Variants in EIPR1 observed in about 807,000 individuals in gnomAD.
The protein encoded by EIPR1 is EARP and GARP complex-interacting protein 1.
A neutral mutation model predicts 48.1 loss-of-function variants in EIPR1; 25 were observed. The observed-to-expected ratio is 0.52, with a 90% CI of 0.38 to 0.73. EIPR1 has a LOEUF of 0.73. EIPR1 is among the 30% of genes least tolerant of loss of function. The pLI is 0.00. For synonymous variants in EIPR1, 204 were observed against 201.9 expected, an observed-to-expected ratio of 1.01 and a Z score of -0.09; for missense variants, 415 against 506.2, an observed-to-expected ratio of 0.82 and a Z score of 1.73.
At chr2:3,334,341 T>C (rs1323852215) in intron 3 of EIPR1, among the ~76,000 whole-genome samples, 1 of 152,266 alleles carries the variant, frequency 6.6e-6, no homozygotes, top group African/African-American at 2.4e-5. Context: ...ATTTAATTCA[T>C]ATATGATTCA....
intron 4 of EIPR1, among the ~76,000 whole-genome samples, chr2:3,253,896 T>C (rs2602749): frequency 0.66 from 100,764 of 151,972 alleles, 33,648 homozygotes; most frequent in East Asian, 0.81. Context: ...TAACACCATT[T>C]CCTGCGGTGT....
At position 3,269,402 on chromosome 2, in the gene EIPR1, G is replaced by A. The variant is rs926397484; in HGVS notation, c.260-11947C>T. Among the ~76,000 whole-genome samples, 28 of 110,360 alleles carry A rather than the reference G, an allele frequency of 2.5e-4. 4 individuals carry two copies. The highest frequency in any genetic ancestry group is 1.1e-3 in the African/African-American group (24 of 22,008). 72.4% of individuals were successfully genotyped at this position (110,360 alleles called of 152,430 possible). ...CACTCAGTCATCGCACTCAGTCATCGCACTCAATCATCGCACTCAATCATC... is the reference window on the plus strand; with the variant it reads ...CACTCAGTCATCGCACTCAGTCATCACACTCAATCATCGCACTCAATCATC... On this transcript the variant is annotated intron_variant, in intron 3 of 8. Transcript: ENST00000382125.
At chr2:3,333,601 T>G (rs759681966) in intron 3 of EIPR1, among the ~76,000 whole-genome samples, 4 of 151,940 alleles carry the variant, frequency 2.6e-5, no homozygotes, top group Non-Finnish European at 5.9e-5. Context: ...ATCAGCCAGA[T>G]ATGGTAGTGC....
intron 8 of EIPR1, among the ~76,000 whole-genome samples, chr2:3,191,745 G>A (rs1045695648): frequency 1.3e-5 from 2 of 152,196 alleles, no homozygotes; most frequent in Non-Finnish European, 2.9e-5. Context: ...GCACTGCACC[G>A]CTGACCAGAG....
intron 2 of EIPR1, among the ~76,000 whole-genome samples, chr2:3,344,634 C>CTTTTTT (rs1178498027): frequency 1.8e-4 from 13 of 74,190 alleles, no homozygotes; most frequent in Non-Finnish European, 1.8e-4. Context: ...GGTTCTGGTT[C>CTTTTTT]TTTTTTTTTT....
chr2:3,248,909 G>A (rs1285918527), intron 4 of EIPR1, among the ~76,000 whole-genome samples: 3 of 152,142 alleles, frequency 2.0e-5, no homozygotes, highest in Non-Finnish European at 4.4e-5. Flanking sequence ...GAATCACCAG[G>A]AACAGATGCT....
Position 3,338,088 on chromosome 2 carries a change from T to C in EIPR1, c.188A>G (p.Gln63Arg), listed in dbSNP as rs148303243. The change falls in exon 3 of 9, where the codon CAA (glutamine) becomes CGA (arginine). Residue 63 changes from glutamine (Q) to arginine (R), a missense_variant. Physicochemically the swap from Gln to Arg is conservative, Grantham distance 43 (BLOSUM62 1). Transcript: ENST00000382125. ...NIINKNVLLHQAGEIWHISAS... is the reference protein window; with the variant it reads ...NIINKNVLLHRAGEIWHISAS... ...GCTAATATGCCAGATTTCACCCGCT[T>C]GATGGAGGAGGACATTTTTATTTAT... 4.8e-5 allele frequency: 78 copies of C among 1,613,190 alleles called. No individual in the cohort carries two copies. In the African/African-American group the frequency reaches 9.6e-4, roughly 20 times the overall value.
intron 3 of EIPR1, among the ~76,000 whole-genome samples, chr2:3,275,957 C>G (rs1355959060): frequency 2.0e-5 from 3 of 152,174 alleles, no homozygotes; most frequent in African/African-American, 7.2e-5. Context: ...AAAGAGAACT[C>G]AAGGCTTTGG....
At chr2:3,339,875 G>A (rs1005229503) in intron 2 of EIPR1, among the ~76,000 whole-genome samples, 30 of 152,330 alleles carry the variant, frequency 2.0e-4, no homozygotes, top group East Asian at 1.7e-3. Context: ...GCGTGAACCC[G>A]GGAGGCGGAG....
chr2:3,246,380 CCT>C (rs1289033513), intron 4 of EIPR1, among the ~76,000 whole-genome samples: 2 of 152,142 alleles, frequency 1.3e-5, no homozygotes, highest in African/African-American at 4.8e-5. Context: ...CAAAATGCCC[CCT>C]GTGCCTGGCG....
intron 3 of EIPR1, among the ~76,000 whole-genome samples, chr2:3,297,931 T>C (rs1389974785): frequency 2.0e-5 from 3 of 152,226 alleles, no homozygotes; most frequent in African/African-American, 7.2e-5. Flanking sequence ...AGCTTTGTCT[T>C]GCTTTTTAAG....
chr2:3,332,124 C>T (rs1371408761), intron 3 of EIPR1, among the ~76,000 whole-genome samples: 2 of 152,152 alleles, frequency 1.3e-5, no homozygotes, highest in Admixed American at 1.3e-4. Context: ...GGCAGGCCCA[C>T]GTGGTGTACC....
intron 6 of EIPR1, among the ~76,000 whole-genome samples, chr2:3,196,565 C>T (rs1558214951): frequency 6.6e-6 from 1 of 152,168 alleles, no homozygotes. Flanking sequence ...GACACGGGCA[C>T]CCTGTGGTCC....
chr2:3,203,326 G>A (rs572233152), intron 5 of EIPR1, among the ~76,000 whole-genome samples: 34 of 152,366 alleles, frequency 2.2e-4, no homozygotes, highest in Admixed American at 2.6e-4. Flanking sequence ...TGCGATGGGC[G>A]TTACAGACTG....
intron 3 of EIPR1, among the ~76,000 whole-genome samples, chr2:3,292,400 C>T (rs542926891): frequency 9.9e-5 from 15 of 152,148 alleles, no homozygotes; most frequent in African/African-American, 3.1e-4. Flanking sequence ...CACAGACAGC[C>T]GGCTCTGTGC....
chr2:3,335,229 C>T (rs545684866), intron 3 of EIPR1, among the ~76,000 whole-genome samples: 38 of 152,172 alleles, frequency 2.5e-4, no homozygotes, highest in Non-Finnish European at 4.4e-4. Context: ...TGTTGGAAGC[C>T]GCTGTTTGTG....
intron 3 of EIPR1, 120 bp from the exon 4 acceptor site, chr2:3,257,575 T>C: frequency 1.4e-5 from 17 of 1,247,122 alleles, no homozygotes; most frequent in Non-Finnish European, 1.9e-5. Context: ...TTAAAATATG[T>C]ACGATTGCAG....
At chr2:3,210,438 G>A (rs1434085817) in intron 5 of EIPR1, among the ~76,000 whole-genome samples, 1 of 152,100 alleles carries the variant, frequency 6.6e-6, no homozygotes, top group East Asian at 1.9e-4. Context: ...TGTTGCCACA[G>A]AGGACAATGG....
chr2:3,195,352 T>A (rs899728651), intron 6 of EIPR1, among the ~76,000 whole-genome samples: 1 of 152,240 alleles, frequency 6.6e-6, no homozygotes, highest in Admixed American at 6.5e-5. Context: ...ATGGGGCTGA[T>A]GAGCAATGGG....
Sources: gnomAD v4.1 joint callset for allele counts (sites outside exome capture counted in the v4.1 genomes callset) on GRCh38, gnomAD v4.1.1 for gene constraint, MANE v1.5 for transcripts, NCBI Gene and HGNC (gene_info 2026-07-23, HGNC 2026-07-21) for gene names.